ATG4C: variants seen among roughly 807,000 people sequenced by gnomAD.
The protein encoded by ATG4C is cysteine protease ATG4C.
ATG4C carries 56 observed loss-of-function variants against 57.6 expected under a neutral mutation model. The ratio of observed to expected loss-of-function variants is 0.97; its 90% CI spans 0.78 to 1.21. ATG4C has a LOEUF of 1.21. Among genes scored for constraint, ATG4C ranks in the 50% most tolerant of loss-of-function variants. The probability of loss-of-function intolerance (pLI) is 0.00; values close to 1 mark genes in which losing one functional copy is unlikely to be tolerated. For synonymous variants in ATG4C, 157 were observed against 174.1 expected (o/e 0.90, Z 0.78); for missense variants, 595 against 529.8 (o/e 1.12, Z -1.21).
Position 62,819,166 on chromosome 1 carries a change from T to A in ATG4C, c.556T>A (p.Ser186Thr). Residue 186 changes from serine to threonine, a missense_variant, in exon 5 of 11, where the codon TCT becomes ACT. Physicochemically the swap from Ser to Thr is moderately conservative, Grantham distance 58 (BLOSUM62 1). Coordinates refer to ENST00000317868, the MANE Select transcript of ATG4C (RefSeq NM_032852.4). ...TCTGAAGGAAACAATTGGGAAATATTCTGATGATCATGAAATGCGAAATGA... is the reference window on the plus strand; with the variant it reads ...TCTGAAGGAAACAATTGGGAAATATACTGATGATCATGAAATGCGAAATGA... Reference protein sequence around the residue: ...ISLKETIGKYSDDHEMRNEVY... With the variant: ...ISLKETIGKYTDDHEMRNEVY... The A allele has an allele frequency of 6.2e-7, 1 of 1,613,508 alleles. No individual in the cohort carries two copies. The highest frequency in any genetic ancestry group is 8.5e-7 in the Non-Finnish European group (1 of 1,179,672).
chr1:62,841,656 A>C, intron 10 of ATG4C, 109 bp downstream of exon 10: 1 of 925,524 alleles, frequency 1.1e-6, no homozygotes, highest in Non-Finnish European at 1.5e-6. Flanking sequence ...TTTCCTCTTG[A>C]ATGTTAATAT....
intron 7 of ATG4C, among the ~76,000 whole-genome samples, chr1:62,830,825 C>T (rs1432068749): frequency 6.6e-6 from 1 of 152,084 alleles, no homozygotes; most frequent in Admixed American, 6.6e-5. Flanking sequence ...AGTGAAGCCT[C>T]AGTATCTAAC....
chr1:62,790,815 G>T (rs1280857734), intron 1 of ATG4C, among the ~76,000 whole-genome samples: 1 of 152,174 alleles, frequency 6.6e-6, no homozygotes, highest in Middle Eastern at 3.2e-3. Flanking sequence ...GACATCAAGT[G>T]ATTCCATTTG....
At chr1:62,859,736 G>T (rs770409815) in intron 10 of ATG4C, among the ~76,000 whole-genome samples, 20 of 150,656 alleles carry the variant, frequency 1.3e-4, no homozygotes, top group Non-Finnish European at 2.4e-4. Flanking sequence ...TCGCTCTGTC[G>T]CCAGGCTGGA....
rs143028299 is a variant in ATG4C, at chr1:62,797,433, ATAAT to A, written c.-68-6284_-68-6281del. Among the ~76,000 whole-genome samples, 1,272 of 152,296 alleles carry A rather than the reference ATAAT, an allele frequency of 8.4e-3. 37 individuals carry two copies. Among genetic ancestry groups the A allele is most frequent in the African/African-American group, 0.029 (1,189 of 41,564 alleles). ...TAATTATGTTATTGTTTATGAGTTA[ATAAT>A]TTGAGAAATAGTTATGTTATTGTTA... On this transcript the variant is annotated intron_variant, in intron 1 of 10. Transcript: ENST00000317868.
At chr1:62,822,297 A>G (rs1665506990) in intron 6 of ATG4C, among the ~76,000 whole-genome samples, 1 of 152,196 alleles carries the variant, frequency 6.6e-6, no homozygotes, top group Non-Finnish European at 1.5e-5. Flanking sequence ...CCTTGTAAAG[A>G]AAGACCAATA....
chr1:62,849,142 T>A (rs537968201), intron 10 of ATG4C, among the ~76,000 whole-genome samples: 156 of 152,338 alleles, frequency 1.0e-3, no homozygotes, highest in African/African-American at 3.6e-3. Context: ...GACCCCTTGG[T>A]TAAAGTGATG....
intron 1 of ATG4C, among the ~76,000 whole-genome samples, chr1:62,792,049 G>A (rs532181653): frequency 9.2e-5 from 14 of 151,888 alleles, no homozygotes; most frequent in East Asian, 7.7e-4. Flanking sequence ...TCAGGCTGTC[G>A]TACAGTGGCA....
chr1:62,807,487 C>T (rs939534156), intron 3 of ATG4C, among the ~76,000 whole-genome samples: 6 of 152,144 alleles, frequency 3.9e-5, no homozygotes, highest in Admixed American at 1.3e-4. Context: ...ACTTTCAGCC[C>T]CATTCCCAAT....
intron 1 of ATG4C, among the ~76,000 whole-genome samples, chr1:62,791,838 T>C (rs182597436): frequency 1.2e-3 from 182 of 152,318 alleles, no homozygotes; most frequent in South Asian, 9.7e-3. Flanking sequence ...TCTTCTCTAC[T>C]TGGGTTCCCT....
intron 10 of ATG4C, among the ~76,000 whole-genome samples, chr1:62,848,334 T>G (rs1164402291): frequency 6.6e-6 from 1 of 152,204 alleles, no homozygotes; most frequent in Non-Finnish European, 1.5e-5. Flanking sequence ...GGATTTTAAA[T>G]TCCACAAGGC....
At chr1:62,817,708 T>G (rs1257123590) in intron 4 of ATG4C, among the ~76,000 whole-genome samples, 1 of 152,216 alleles carries the variant, frequency 6.6e-6, no homozygotes, top group Non-Finnish European at 1.5e-5. Context: ...TCATTGATAC[T>G]TAACTTACAT....
chr1:62,815,626 C>A (rs545038271), intron 3 of ATG4C, among the ~76,000 whole-genome samples: 1 of 152,160 alleles, frequency 6.6e-6, no homozygotes, highest in Non-Finnish European at 1.5e-5. Flanking sequence ...AACCTCCTGG[C>A]TCCAGTGATC....
intron 1 of ATG4C, among the ~76,000 whole-genome samples, chr1:62,799,773 A>G (rs1664593234): frequency 6.6e-6 from 1 of 152,142 alleles, no homozygotes; most frequent in Admixed American, 6.6e-5. Context: ...CAAACAATCC[A>G]GTTATGCTCT....
Position 62,829,148 on chromosome 1 carries a change from C to A in ATG4C, c.905C>A (p.Thr302Asn). 6.2e-7 allele frequency: 1 copy of A among 1,612,984 alleles called. No homozygotes were observed. The highest frequency in any genetic ancestry group is 2.2e-5 in the East Asian group (1 of 44,772). Reference protein sequence around the residue: ...LVPVRLGGERTNTDYLEFVKG... With the variant: ...LVPVRLGGERNNTDYLEFVKG... ...CCTGTTAGACTTGGTGGAGAAAGAA[C>A]CAACACCGACTACTTAGAATTTGTG... Residue 302 changes from threonine to asparagine, a missense_variant, in exon 7 of 11, where the codon ACC becomes AAC. Coordinates refer to ENST00000317868, the MANE Select transcript of ATG4C (RefSeq NM_032852.4).
rs778802863 is a variant in ATG4C at position 62,816,763 on chromosome 1, C to T, written c.349C>T (p.Gln117Ter). ...GTGGGGCTGCACATTGAGAACTGGC[C>T]AGATGCTCTTGGCTCAAGGACTCAT... Reference protein sequence around the residue: ...CGWGCTLRTGQMLLAQGLILH... With the variant: ...CGWGCTLRTG Residue 117 changes from glutamine to a stop codon, truncating the protein, a stop_gained, in exon 4 of 11, where the codon CAG becomes TAG. Transcript: ENST00000317868. LOFTEE classifies it high-confidence loss of function. The T allele has an allele frequency of 2.0e-5, 32 of 1,611,326 alleles. No homozygotes were observed. Among genetic ancestry groups the T allele is most frequent in the Non-Finnish European group, 2.7e-5 (32 of 1,178,472 alleles).
At chr1:62,798,514 A>G (rs2100288313) in intron 1 of ATG4C, among the ~76,000 whole-genome samples, 1 of 152,326 alleles carries the variant, frequency 6.6e-6, no homozygotes, top group Non-Finnish European at 1.5e-5. Flanking sequence ...CTCCTCTTCA[A>G]TCGGAATTTT....
chr1:62,786,984 G>A (rs775743952), intron 1 of ATG4C, among the ~76,000 whole-genome samples: 1 of 152,100 alleles, frequency 6.6e-6, no homozygotes, highest in African/African-American at 2.4e-5. Context: ...GGAACTAGGC[G>A]ATGGATTAGA....
Position 62,829,081 on chromosome 1 carries a change from A to T in ATG4C, c.838A>T (p.Thr280Ser). The T allele has an allele frequency of 2.5e-6, 4 of 1,612,880 alleles. No individual in the cohort carries two copies. In the South Asian group the frequency reaches 4.4e-5, roughly 18 times the overall value. Reference sequence around the variant, plus strand: ...AATTGATAAACAGAGTGCTTCCATGACTTCTGATAATGCAGATGACAAAGC... The same window carrying T: ...AATTGATAAACAGAGTGCTTCCATGTCTTCTGATAATGCAGATGACAAAGC... ...DVIDKQSASM[T>S]SDNADDKAVI... Residue 280 changes from threonine to serine, a missense_variant, in exon 7 of 11, where the codon ACT becomes TCT. Transcript: ENST00000317868.
Sources: allele counts gnomAD v4.1 joint callset (sites outside exome capture counted in the v4.1 genomes callset), GRCh38; gene constraint gnomAD v4.1.1; transcripts MANE v1.5; gene names NCBI Gene and HGNC (gene_info 2026-07-23, HGNC 2026-07-21).